GRM7: variants seen among roughly 807,000 people sequenced by gnomAD.
GRM7 encodes metabotropic glutamate receptor 7.
Under a neutral mutation model 84.5 loss-of-function variants are expected in GRM7, and 35 were observed. The observed-to-expected ratio is 0.41, with a 90% CI of 0.32 to 0.55. The LOEUF is 0.55. GRM7 is among the 20% of genes least tolerant of loss of function. GRM7 has a pLI of 0.19. For synonymous variants in GRM7, 487 were observed against 455.1 expected (o/e 1.07, Z -0.89); for missense variants, 1,003 against 1,194.6 (o/e 0.84, Z 2.36).
intron 7 of GRM7, among the ~76,000 whole-genome samples, chr3:7,575,434 G>T (rs1472096922): frequency 2.6e-5 from 4 of 152,146 alleles, no homozygotes; most frequent in Admixed American, 6.5e-5. Flanking sequence ...TAGCCTTCTT[G>T]CAAAGTAAAT....
chr3:6,908,157 T>C (rs1696645174), intron 1 of GRM7, among the ~76,000 whole-genome samples: 3 of 152,280 alleles, frequency 2.0e-5, no homozygotes, highest in East Asian at 1.9e-4. Context: ...GGAAAGAATG[T>C]CTGGGTCCTT....
At chr3:7,196,195 G>T (rs1297504627) in intron 2 of GRM7, among the ~76,000 whole-genome samples, 2 of 152,092 alleles carry the variant, frequency 1.3e-5, no homozygotes. Context: ...TCTTCTAGCC[G>T]AATTCCCTTT....
chr3:7,697,568 G>A (rs1387640327), intron 9 of GRM7, among the ~76,000 whole-genome samples: 3 of 152,200 alleles, frequency 2.0e-5, no homozygotes, highest in East Asian at 3.9e-4. Context: ...AGAAGATTCA[G>A]ATTTACAATG....
chr3:7,013,772 T>A (rs1438947925), intron 1 of GRM7, among the ~76,000 whole-genome samples: 1 of 152,192 alleles, frequency 6.6e-6, no homozygotes, highest in Non-Finnish European at 1.5e-5. Context: ...CTTACAATTT[T>A]TTTTTAATCC....
At chr3:7,728,666 T>A (rs987154507) in intron 9 of GRM7, among the ~76,000 whole-genome samples, 1 of 152,184 alleles carries the variant, frequency 6.6e-6, no homozygotes, top group Non-Finnish European at 1.5e-5. Flanking sequence ...TTATGGAACA[T>A]GTTTCATTTC....
intron 1 of GRM7, among the ~76,000 whole-genome samples, chr3:6,925,894 T>C (rs1697281806): frequency 6.6e-6 from 1 of 152,160 alleles, no homozygotes; most frequent in African/African-American, 2.4e-5. Flanking sequence ...GGGTCAAATA[T>C]TGTAGTGTTT....
chr3:7,208,288 A>G (rs747333435), intron 2 of GRM7, among the ~76,000 whole-genome samples: 3 of 147,666 alleles, frequency 2.0e-5, no homozygotes, highest in Admixed American at 1.4e-4. Context: ...ACTGACCTCA[A>G]TGTCTTCCTT....
At chr3:7,403,622 GATATATATATATATATATAT>G (rs59465377) in intron 4 of GRM7, among the ~76,000 whole-genome samples, 4 of 126,952 alleles carry the variant, frequency 3.2e-5, no homozygotes, top group Non-Finnish European at 6.8e-5. Flanking sequence ...GAGTAATTCT[GATATATATATATATATATAT>G]ATATATATGT....
intron 4 of GRM7, among the ~76,000 whole-genome samples, chr3:7,380,954 A>G (rs751708467): frequency 1.3e-5 from 2 of 152,176 alleles, no homozygotes; most frequent in African/African-American, 4.8e-5. Context: ...TATAAAAGGA[A>G]GACCGTGTGT....
intron 7 of GRM7, among the ~76,000 whole-genome samples, chr3:7,569,881 C>T (rs558212388): frequency 1.2e-3 from 187 of 152,224 alleles, no homozygotes; most frequent in African/African-American, 3.6e-3. Flanking sequence ...ACTCCGGACA[C>T]GCCGCCTTTA....
chr3:7,554,427 A>G (rs1425823524), intron 7 of GRM7, among the ~76,000 whole-genome samples: 1 of 152,188 alleles, frequency 6.6e-6, no homozygotes, highest in Non-Finnish European at 1.5e-5. Context: ...AAACAGACTC[A>G]GTCACTCCCC....
chr3:7,414,924 T>C, intron 4 of GRM7, 99 bp from the exon 5 acceptor site: 1 of 894,624 alleles, frequency 1.1e-6, no homozygotes, highest in Non-Finnish European at 1.7e-6. Context: ...GAGGATCCAA[T>C]TCACTGAAAC....
chr3:7,068,300 G>A (rs1293372403), intron 1 of GRM7, among the ~76,000 whole-genome samples: 1 of 151,978 alleles, frequency 6.6e-6, no homozygotes, highest in Non-Finnish European at 1.5e-5. Flanking sequence ...TCTATGATGT[G>A]AATTAACTCA....
chr3:7,536,551 A>C (rs1701251549), intron 7 of GRM7, among the ~76,000 whole-genome samples: 1 of 152,210 alleles, frequency 6.6e-6, no homozygotes, highest in African/African-American at 2.4e-5. Context: ...TGGTCTGTGC[A>C]ACCAACAGAA....
chr3:7,232,440 T>C (rs984322680), intron 2 of GRM7, among the ~76,000 whole-genome samples: 2 of 152,142 alleles, frequency 1.3e-5, no homozygotes, highest in Non-Finnish European at 2.9e-5. Context: ...GGCTCCCTTG[T>C]GGATCAGATC....
chr3:7,694,908 C>A (rs1271925872), intron 9 of GRM7, among the ~76,000 whole-genome samples: 3 of 152,108 alleles, frequency 2.0e-5, no homozygotes, highest in Non-Finnish European at 4.4e-5. Flanking sequence ...CAAAAGGTCA[C>A]CTGTATTTAA....
chr3:7,479,861 A>T (rs1403633489), intron 7 of GRM7, among the ~76,000 whole-genome samples: 1 of 152,110 alleles, frequency 6.6e-6, no homozygotes, highest in East Asian at 1.9e-4. Flanking sequence ...GTAACAGAAA[A>T]AAAAGGCTGG....
chr3:6,869,777 A>G (rs995333564), intron 1 of GRM7, among the ~76,000 whole-genome samples: 4 of 152,216 alleles, frequency 2.6e-5, no homozygotes, highest in Admixed American at 6.5e-5. Flanking sequence ...CCATGGACTT[A>G]AGATAACAGC....
chr3:6,971,976 A>G (rs1693776312), intron 1 of GRM7, among the ~76,000 whole-genome samples: 1 of 152,136 alleles, frequency 6.6e-6, no homozygotes, highest in African/African-American at 2.4e-5. Flanking sequence ...AAATAATAAT[A>G]GCAAATAATA....
Sources: gnomAD v4.1 joint callset for allele counts (sites outside exome capture counted in the v4.1 genomes callset) on GRCh38, gnomAD v4.1.1 for gene constraint, MANE v1.5 for transcripts, NCBI Gene and HGNC (gene_info 2026-07-23, HGNC 2026-07-21) for gene names.